The following MOB4 variants were observed in gnomAD, a reference collection of about 807,000 sequenced individuals.
The protein encoded by MOB4 is MOB family member 4, phocein.
In MOB4, 4 loss-of-function variants were observed where a neutral mutation model predicts 32.2. The ratio of observed to expected loss-of-function variants is 0.12; its 90% CI spans 0.06 to 0.28. MOB4 has a LOEUF of 0.28. Among genes scored for constraint, MOB4 ranks in the 10% least tolerant of loss-of-function variants. The pLI is 1.00. For missense variants in MOB4, 158 were observed against 271.2 expected (o/e 0.58, Z 2.93); for synonymous variants, 88 against 88.1 (o/e 1.00, Z 0.01).
intron 2 of MOB4, among the ~76,000 whole-genome samples, chr2:197,534,237 C>G (rs1416773624): frequency 6.6e-6 from 1 of 152,082 alleles, no homozygotes; most frequent in Non-Finnish European, 1.5e-5. Context: ...CTCAAGAAGG[C>G]CTTATAGTTA....
chr2:197,515,741 C>T (rs2086395526), upstream of MOB4: 1 of 339,850 alleles, frequency 2.9e-6, no homozygotes, highest in Admixed American at 5.0e-5. Context: ...GTGTAACTAA[C>T]GAGAGCCCAT....
chr2:197,547,272 T>G (rs1559325447), intron 5 of MOB4, among the ~76,000 whole-genome samples: 1 of 152,162 alleles, frequency 6.6e-6, no homozygotes, highest in Non-Finnish European at 1.5e-5. Flanking sequence ...CAAACCTGTG[T>G]TGTTCAAGGG....
chr2:197,523,554 C>A, intron 1 of MOB4, 70 bp from the exon 2 acceptor site: 1 of 1,483,620 alleles, frequency 6.7e-7, no homozygotes, highest in Non-Finnish European at 9.2e-7. Context: ...AGCTTTGGGT[C>A]TTTATTAAGA....
At chr2:197,540,937 C>T (rs1213416545) in intron 5 of MOB4, among the ~76,000 whole-genome samples, 2 of 150,200 alleles carry the variant, frequency 1.3e-5, no homozygotes, top group Non-Finnish European at 3.0e-5. Flanking sequence ...ATTCTTACTC[C>T]GTTGTCCAGG....
At chr2:197,538,709 C>T (rs138006848) in intron 3 of MOB4, among the ~76,000 whole-genome samples, 12 of 152,312 alleles carry the variant, frequency 7.9e-5, no homozygotes, top group African/African-American at 2.9e-4. Flanking sequence ...ATTATACCCA[C>T]AGCCCTGCTG....
At chr2:197,523,782 T>G in intron 2 of MOB4, 96 bp downstream of exon 2, 1 of 1,172,052 alleles carries the variant, frequency 8.5e-7, no homozygotes. Flanking sequence ...TGTGCAGCAG[T>G]CTGCTTCCCA....
At chr2:197,541,585 G>C (rs1400238291) in intron 5 of MOB4, among the ~76,000 whole-genome samples, 1 of 152,210 alleles carries the variant, frequency 6.6e-6, no homozygotes. Flanking sequence ...TTTCATTCAG[G>C]ATGTCACATT....
chr2:197,540,686 A>G (rs1010224716), intron 5 of MOB4, among the ~76,000 whole-genome samples: 1 of 152,224 alleles, frequency 6.6e-6, no homozygotes, highest in African/African-American at 2.4e-5. Context: ...ACGGATTAAC[A>G]TCTGTCACAT....
intron 3 of MOB4, among the ~76,000 whole-genome samples, chr2:197,536,691 T>C (rs2086806049): frequency 7.4e-6 from 1 of 134,258 alleles, no homozygotes; most frequent in Non-Finnish European, 1.5e-5. Flanking sequence ...AACCTCTGCC[T>C]CCCGAGTTCA....
intron 5 of MOB4, among the ~76,000 whole-genome samples, chr2:197,542,738 C>G (rs2086918185): frequency 6.6e-6 from 1 of 151,992 alleles, no homozygotes; most frequent in African/African-American, 2.4e-5. Flanking sequence ...TTGTAAACAC[C>G]ATTACATAGT....
chr2:197,524,937 A>AT (rs955049477), intron 2 of MOB4, among the ~76,000 whole-genome samples: 4 of 152,228 alleles, frequency 2.6e-5, no homozygotes, highest in African/African-American at 9.6e-5. Flanking sequence ...CATCTGGCTG[A>AT]TTTTTTGTAG....
At chr2:197,532,984 G>A (rs552243621) in intron 2 of MOB4, among the ~76,000 whole-genome samples, 33 of 151,552 alleles carry the variant, frequency 2.2e-4, no homozygotes, top group Non-Finnish European at 3.8e-4. Flanking sequence ...CTATAATCCC[G>A]GCTACTTGGA....
chr2:197,517,874 T>TC (rs1488268199), intron 1 of MOB4, among the ~76,000 whole-genome samples: 2 of 152,198 alleles, frequency 1.3e-5, no homozygotes, highest in African/African-American at 4.8e-5. Context: ...GTGCGGTGGC[T>TC]CACGCCTGTA....
At chr2:197,535,268 C>T (rs1411704508) in intron 2 of MOB4, among the ~76,000 whole-genome samples, 1 of 151,122 alleles carries the variant, frequency 6.6e-6, no homozygotes, top group Non-Finnish European at 1.5e-5. Flanking sequence ...AATTTTGATC[C>T]AAGTTCCAGT....
chr2:197,521,321 G>A (rs2086513938), intron 1 of MOB4, among the ~76,000 whole-genome samples: 2 of 152,170 alleles, frequency 1.3e-5, no homozygotes, highest in African/African-American at 2.4e-5. Flanking sequence ...GGGAGGGAGT[G>A]TACAAATAGG....
chr2:197,532,155 C>T (rs1008345297), intron 2 of MOB4, among the ~76,000 whole-genome samples: 12 of 151,162 alleles, frequency 7.9e-5, no homozygotes, highest in Non-Finnish European at 1.6e-4. Flanking sequence ...GTGATCTGCC[C>T]GCCTCTGCCT....
chr2:197,533,984 T>C, intron 2 of MOB4: 1 of 531,330 alleles, frequency 1.9e-6, no homozygotes. Context: ...TTACATGAGA[T>C]GGCACACATA....
intron 2 of MOB4, among the ~76,000 whole-genome samples, chr2:197,529,517 C>T (rs1287419607): frequency 2.0e-5 from 3 of 151,046 alleles, no homozygotes; most frequent in East Asian, 3.9e-4. Context: ...ACAGCCGCCT[C>T]ATTTTTCTAT....
intron 2 of MOB4, among the ~76,000 whole-genome samples, chr2:197,529,518 A>G (rs1276860768): frequency 1.3e-5 from 2 of 150,948 alleles, no homozygotes; most frequent in Admixed American, 1.3e-4. Context: ...CAGCCGCCTC[A>G]TTTTTCTATT....
Sources: gnomAD v4.1 joint callset for allele counts (sites outside exome capture counted in the v4.1 genomes callset) on GRCh38, gnomAD v4.1.1 for gene constraint, MANE v1.5 for transcripts, NCBI Gene and HGNC (gene_info 2026-07-23, HGNC 2026-07-21) for gene names.